The following ADGRL4 variants were observed in gnomAD, a reference collection of about 807,000 sequenced individuals.
ADGRL4 encodes the protein adhesion G protein-coupled receptor L4, also known as EGF, latrophilin and seven transmembrane domain containing 1.
Under a neutral mutation model 74.8 loss-of-function variants are expected in ADGRL4, and 90 were observed. The observed-to-expected ratio is 1.20, with a 90% CI of 1.02 to 1.43. ADGRL4 has a LOEUF of 1.43. ADGRL4 is among the 40% of genes most tolerant of loss of function. The pLI is 0.00. For synonymous variants in ADGRL4, 311 were observed against 279.2 expected (o/e 1.11, Z -1.14); for missense variants, 881 against 814.3 (o/e 1.08, Z -1.00).
intron 2 of ADGRL4, among the ~76,000 whole-genome samples, chr1:78,985,960 G>A (rs1413384119): frequency 6.6e-6 from 1 of 151,778 alleles, no homozygotes; most frequent in East Asian, 1.9e-4. Context: ...TTATAAGTGG[G>A]AGCTAAACAT....
chr1:78,985,721 C>A (rs529642072), intron 2 of ADGRL4, among the ~76,000 whole-genome samples: 1 of 151,594 alleles, frequency 6.6e-6, no homozygotes, highest in East Asian at 1.9e-4. Flanking sequence ...TACATGCATG[C>A]GTATGTTTAT....
intron 2 of ADGRL4, among the ~76,000 whole-genome samples, chr1:78,973,830 T>C (rs1650224087): frequency 6.6e-6 from 1 of 152,086 alleles, no homozygotes; most frequent in African/African-American, 2.4e-5. Flanking sequence ...TCTTGTATTC[T>C]GTAATTCCCC....
At chr1:78,891,464 A>C in intron 14 of ADGRL4, 60 bp downstream of exon 14, 1 of 1,519,094 alleles carries the variant, frequency 6.6e-7, no homozygotes, top group Non-Finnish European at 8.9e-7. Flanking sequence ...ATTTTCTATC[A>C]ATTTGGCAAC....
At chr1:78,914,267 ACC>A (rs1434671640) in intron 12 of ADGRL4, among the ~76,000 whole-genome samples, 1 of 151,910 alleles carries the variant, frequency 6.6e-6, no homozygotes, top group Admixed American at 6.6e-5. Context: ...TCCACATCTT[ACC>A]AGTATGACTT....
intron 7 of ADGRL4, 59 bp from the exon 8 acceptor site, chr1:78,927,150 C>A: frequency 9.0e-7 from 1 of 1,108,804 alleles, no homozygotes; most frequent in Admixed American, 2.2e-5. Context: ...TATTTAGACT[C>A]TTAAGATAAA....
intron 2 of ADGRL4, among the ~76,000 whole-genome samples, chr1:78,962,313 T>C (rs1649970938): frequency 6.6e-6 from 1 of 152,138 alleles, no homozygotes; most frequent in South Asian, 2.1e-4. Flanking sequence ...CTCCTACATA[T>C]TTTTTCCTCC....
At chr1:78,919,727 T>G (rs1570227741) in intron 10 of ADGRL4, among the ~76,000 whole-genome samples, 1 of 151,924 alleles carries the variant, frequency 6.6e-6, no homozygotes, top group East Asian at 1.9e-4. Context: ...AAGGTTCAAA[T>G]GGTTCAAAAT....
chr1:78,936,658 A>G (rs1288057049), intron 6 of ADGRL4, among the ~76,000 whole-genome samples: 2 of 152,162 alleles, frequency 1.3e-5, no homozygotes, highest in Non-Finnish European at 1.5e-5. Context: ...ATAAAATATA[A>G]TATGTGTATG....
At chr1:78,980,323 A>G (rs1650373162) in intron 2 of ADGRL4, among the ~76,000 whole-genome samples, 1 of 151,886 alleles carries the variant, frequency 6.6e-6, no homozygotes, top group Non-Finnish European at 1.5e-5. Flanking sequence ...TATTCTGAAG[A>G]GTGGCGACTT....
intron 2 of ADGRL4, among the ~76,000 whole-genome samples, chr1:78,959,756 C>G (rs371888419): frequency 2.0e-5 from 3 of 152,050 alleles, no homozygotes; most frequent in Non-Finnish European, 1.5e-5. Context: ...TATACTGAAC[C>G]AGAGTCAGTA....
At chr1:78,900,204 G>A (rs756187936) in intron 12 of ADGRL4, among the ~76,000 whole-genome samples, 11 of 152,052 alleles carry the variant, frequency 7.2e-5, no homozygotes, top group Non-Finnish European at 1.3e-4. Flanking sequence ...GCAAGGAAAT[G>A]GGGTCTTAGT....
intron 2 of ADGRL4, among the ~76,000 whole-genome samples, chr1:78,985,496 T>C (rs1650474797): frequency 6.6e-6 from 1 of 151,824 alleles, no homozygotes; most frequent in East Asian, 1.9e-4. Flanking sequence ...GAATAGTATG[T>C]TAATTTCGAC....
intron 2 of ADGRL4, among the ~76,000 whole-genome samples, chr1:78,990,408 T>A (rs984502336): frequency 6.6e-5 from 10 of 151,902 alleles, no homozygotes; most frequent in Non-Finnish European, 4.4e-5. Context: ...TAAAAAGCTA[T>A]CACCAATAAT....
intron 3 of ADGRL4, among the ~76,000 whole-genome samples, chr1:78,945,428 A>T (rs1296673441): frequency 3.3e-5 from 5 of 151,890 alleles, no homozygotes; most frequent in African/African-American, 1.2e-4. Context: ...AGTTATTGAT[A>T]AGTTGAATAT....
intron 2 of ADGRL4, among the ~76,000 whole-genome samples, chr1:79,004,251 G>A (rs937844098): frequency 4.7e-5 from 7 of 150,320 alleles, no homozygotes; most frequent in Non-Finnish European, 8.9e-5. Context: ...AAACTAATTT[G>A]TATGACCTAG....
At chr1:78,978,973 C>G (rs1471864361) in intron 2 of ADGRL4, among the ~76,000 whole-genome samples, 1 of 151,808 alleles carries the variant, frequency 6.6e-6, no homozygotes, top group Non-Finnish European at 1.5e-5. Flanking sequence ...TTAACACTAG[C>G]AGCAGCAATT....
intron 8 of ADGRL4, among the ~76,000 whole-genome samples, 178 bp downstream of exon 8, chr1:78,926,708 G>A (rs568192088): frequency 6.6e-6 from 1 of 151,906 alleles, no homozygotes; most frequent in East Asian, 1.9e-4. Flanking sequence ...AATGTTTAAA[G>A]AGCTGTGAAA....
chr1:78,916,864 A>T (rs1648882634), intron 12 of ADGRL4, among the ~76,000 whole-genome samples: 1 of 151,884 alleles, frequency 6.6e-6, no homozygotes, highest in Non-Finnish European at 1.5e-5. Context: ...ATTCACTGAC[A>T]GACTATTATA....
chr1:78,995,574 C>G (rs1336426375), intron 2 of ADGRL4, among the ~76,000 whole-genome samples: 15 of 152,222 alleles, frequency 9.9e-5, no homozygotes, highest in Non-Finnish European at 2.2e-4. Flanking sequence ...GTGGAAAGGG[C>G]ACTGAGCTTA....
Sources: allele counts gnomAD v4.1 joint callset (sites outside exome capture counted in the v4.1 genomes callset), GRCh38; gene constraint gnomAD v4.1.1; transcripts MANE v1.5; gene names NCBI Gene and HGNC (gene_info 2026-07-23, HGNC 2026-07-21).